The following MTREX variants were observed in gnomAD, a reference collection of about 807,000 sequenced individuals.
The protein encoded by MTREX is exosome RNA helicase MTR4.
Under a neutral mutation model 135.4 loss-of-function variants are expected in MTREX, and 76 were observed. The observed-to-expected ratio is 0.56, with a 90% CI of 0.47 to 0.68. MTREX has a LOEUF of 0.68. MTREX is among the 30% of genes least tolerant of loss of function. The probability of loss-of-function intolerance (pLI) is 0.00; values close to 1 mark genes in which losing one functional copy is unlikely to be tolerated. For synonymous variants in MTREX, 404 were observed against 401.6 expected, an observed-to-expected ratio of 1.01 and a Z score of -0.07; for missense variants, 920 against 1,262.1, an observed-to-expected ratio of 0.73 and a Z score of 4.11.
Position 55,341,817 on chromosome 5 carries a change from G to T in MTREX, c.781+46G>T. 4 of 967,390 alleles carry T rather than the reference G, an allele frequency of 4.1e-6. No homozygotes were observed. In the South Asian group the frequency reaches 6.7e-5, roughly 16 times the overall value. 59.9% of individuals were successfully genotyped at this position (967,390 alleles called of 1,614,324 possible). ...TATATCATGTATTTCCCTTCAGAAT[G>T]ACATTAGGAATTTTGAGCAAGTTAT... On this transcript the variant is annotated intron_variant, in intron 7 of 26. Transcript: ENST00000230640.
At position 55,344,522 on chromosome 5, in the gene MTREX, C is replaced by A; in HGVS notation, c.907C>A (p.Pro303Thr). The A allele has an allele frequency of 6.3e-7, 1 of 1,597,398 alleles. No individual in the cohort carries two copies. Among genetic ancestry groups the A allele is most frequent in the Non-Finnish European group, 8.6e-7 (1 of 1,165,790 alleles). ...AEWICHLHKQ[P>T]CHVIYTDYRP... Reference sequence around the variant, plus strand: ...TATGTTTAATTCTTTCTTTTTACAGCCTTGTCATGTTATTTACACAGATTA... The same window carrying A: ...TATGTTTAATTCTTTCTTTTTACAGACTTGTCATGTTATTTACACAGATTA... Residue 303 changes from proline to threonine, a missense_variant and splice_region_variant, in exon 9 of 27, where the codon CCT becomes ACT. Pro to Thr is a conservative substitution (Grantham distance 38). Transcript: ENST00000230640.
intron 15 of MTREX, among the ~76,000 whole-genome samples, chr5:55,363,685 A>G (rs758186206): frequency 3.9e-5 from 6 of 152,120 alleles, no homozygotes; most frequent in Non-Finnish European, 1.5e-5. Context: ...AGGTATATAA[A>G]ATAAGTTCCA....
At chr5:55,344,318 G>A (rs1042075458) in intron 8 of MTREX, among the ~76,000 whole-genome samples, 7 of 152,174 alleles carry the variant, frequency 4.6e-5, no homozygotes, top group African/African-American at 1.2e-4. Flanking sequence ...GAATTGGTAA[G>A]TTGGGAAGAT....
chr5:55,326,575 C>CT (rs1185868662), intron 3 of MTREX, among the ~76,000 whole-genome samples: 2 of 152,134 alleles, frequency 1.3e-5, no homozygotes, highest in East Asian at 3.9e-4. Context: ...GAAATGTCCT[C>CT]TGATTATAAC....
intron 17 of MTREX, 44 bp from the exon 18 acceptor site, chr5:55,379,083 G>A (rs1366402054): frequency 1.5e-6 from 2 of 1,359,364 alleles, no homozygotes; most frequent in African/African-American, 2.9e-5. Flanking sequence ...TTGCCTTGTA[G>A]ATATACATTT....
At chr5:55,389,525 G>A (rs996984947) in intron 19 of MTREX, among the ~76,000 whole-genome samples, 13 of 152,134 alleles carry the variant, frequency 8.5e-5, no homozygotes, top group East Asian at 1.9e-4. Flanking sequence ...GAATTTTACA[G>A]ATACTCTGTG....
At chr5:55,357,413 A>C (rs1477271457) in intron 14 of MTREX, 1 of 153,902 alleles carries the variant, frequency 6.5e-6, no homozygotes, top group Non-Finnish European at 1.5e-5. Flanking sequence ...CTCTATGATG[A>C]AGTGCTTATA....
Position 55,349,638 on chromosome 5 carries a change from A to T in MTREX, c.1306A>T (p.Lys436Ter). The T allele has an allele frequency of 1.3e-6, 2 of 1,588,758 alleles. No homozygotes were observed. The highest frequency in any genetic ancestry group is 1.7e-6 in the Non-Finnish European group (2 of 1,157,506). The change falls in exon 12 of 27, where the codon AAA (lysine) becomes TAA (stop). Residue 436 changes from lysine (K) to a stop codon, truncating the protein, a stop_gained. Transcript: ENST00000230640. LOFTEE classifies it high-confidence loss of function. ...NAIDCLSDED[K>*]KLPQVEHVLP... ...AATTGATTGCTTATCCGATGAAGAT[A>T]AAAAACTCCCTCAGGTGAGTTTTCA...
chr5:55,327,712 T>G lies in MTREX; in HGVS notation c.340-4T>G, dbSNP rs745534145. 1 of 1,611,886 alleles carries G rather than the reference T, an allele frequency of 6.2e-7. No homozygotes were observed. Among genetic ancestry groups the G allele is most frequent in the Admixed American group, 1.7e-5 (1 of 59,938 alleles). On this transcript the variant is annotated splice_region_variant and splice_polypyrimidine_tract_variant and intron_variant, in intron 3 of 26. Transcript: ENST00000230640. ...TTTTTTTTTCTTTTTTACTTTGTTG[T>G]CAGGTTGCACTTCCTGCAGAAGAGG...
At chr5:55,351,586 T>G (rs1198916634) in intron 13 of MTREX, among the ~76,000 whole-genome samples, 1 of 152,198 alleles carries the variant, frequency 6.6e-6, no homozygotes, top group Non-Finnish European at 1.5e-5. Flanking sequence ...CCACAGAATG[T>G]TGCAGAAGGT....
In MTREX at chr5:55,370,719, C is replaced by T. The variant is rs77907501; in HGVS notation, c.1810+3844C>T. Among the ~76,000 whole-genome samples, 699 of 152,296 alleles carry T rather than the reference C, an allele frequency of 4.6e-3. 5 individuals carry two copies. Among genetic ancestry groups the T allele is most frequent in the African/African-American group, 0.016 (665 of 41,560 alleles). On this transcript the variant is annotated intron_variant, in intron 16 of 26. Coordinates refer to ENST00000230640, the MANE Select transcript of MTREX (RefSeq NM_015360.5). Reference sequence around the variant, plus strand: ...GTTTGCAGAGCTGAGTGTTAATGATCAAACAGACCATGTAGTGTGAGAGAA... The same window carrying T: ...GTTTGCAGAGCTGAGTGTTAATGATTAAACAGACCATGTAGTGTGAGAGAA...
chr5:55,340,646 A>G (rs776584696), intron 6 of MTREX, among the ~76,000 whole-genome samples: 90 of 152,190 alleles, frequency 5.9e-4, no homozygotes, highest in Middle Eastern at 3.4e-3. Context: ...CAGTGGTGCA[A>G]CCTCTGCTCA....
At chr5:55,363,260 G>T (rs543355638) in intron 15 of MTREX, among the ~76,000 whole-genome samples, 3 of 152,062 alleles carry the variant, frequency 2.0e-5, no homozygotes, top group Non-Finnish European at 4.4e-5. Flanking sequence ...CATCTTCCAC[G>T]TTTATGGTTC....
chr5:55,423,160 T>G, intron 26 of MTREX, 178 bp downstream of exon 26: 1 of 595,276 alleles, frequency 1.7e-6, no homozygotes, highest in Non-Finnish European at 3.0e-6. Context: ...TGAGATTTTA[T>G]ATATACATGC....
chr5:55,330,825 C>A (rs1749464200), intron 5 of MTREX, among the ~76,000 whole-genome samples: 1 of 152,030 alleles, frequency 6.6e-6, no homozygotes, highest in Admixed American at 6.6e-5. Flanking sequence ...TTACAGCAGG[C>A]CCCTTTAAGT....
intron 1 of MTREX, among the ~76,000 whole-genome samples, chr5:55,313,986 GTT>G (rs1284593414): frequency 6.9e-6 from 1 of 144,464 alleles, no homozygotes; most frequent in Admixed American, 7.0e-5. Flanking sequence ...GTAGAGAGCT[GTT>G]TTTTTTTTTT....
chr5:55,407,109 A>G (rs1750820138), intron 22 of MTREX, among the ~76,000 whole-genome samples: 2 of 152,212 alleles, frequency 1.3e-5, no homozygotes, highest in Non-Finnish European at 2.9e-5. Context: ...CATGGCCAGG[A>G]TGGACAGGAC....
At chr5:55,406,378 C>G (rs1323241595) in intron 22 of MTREX, among the ~76,000 whole-genome samples, 4 of 152,166 alleles carry the variant, frequency 2.6e-5, no homozygotes, top group African/African-American at 9.7e-5. Flanking sequence ...TCCATGTGGT[C>G]TCTCCATGTG....
At chr5:55,352,794 T>TA (rs1312922880) in intron 13 of MTREX, among the ~76,000 whole-genome samples, 2 of 152,204 alleles carry the variant, frequency 1.3e-5, no homozygotes, top group Non-Finnish European at 2.9e-5. Flanking sequence ...GATCTTCTAA[T>TA]ACTGAAGTGG....
Sources: allele counts gnomAD v4.1 joint callset (sites outside exome capture counted in the v4.1 genomes callset), GRCh38; gene constraint gnomAD v4.1.1; transcripts MANE v1.5; gene names NCBI Gene and HGNC (gene_info 2026-07-23, HGNC 2026-07-21).